SLC35F4: variants seen among roughly 807,000 people sequenced by gnomAD.
SLC35F4 encodes the protein solute carrier family 35 member F4.
A neutral mutation model predicts 44.2 loss-of-function variants in SLC35F4; 24 were observed. That is an observed-to-expected ratio of 0.54 (90% CI 0.39 to 0.76). SLC35F4 has a LOEUF of 0.76. Among genes scored for constraint, SLC35F4 ranks in the 30% least tolerant of loss-of-function variants. SLC35F4 has a pLI of 0.00. For missense variants in SLC35F4, 562 were observed against 586.1 expected (o/e 0.96, Z 0.42); for synonymous variants, 238 against 223.6 (o/e 1.06, Z -0.57).
chr14:57,630,875 TG>T (rs1207960768), intron 1 of SLC35F4: 2 of 879,746 alleles, frequency 2.3e-6, no homozygotes, highest in African/African-American at 3.6e-5. Context: ...GAGTCCAGTT[TG>T]TTTAATGTTA....
intron 1 of SLC35F4, among the ~76,000 whole-genome samples, chr14:57,737,496 C>T (rs985125799): frequency 3.3e-5 from 5 of 151,944 alleles, no homozygotes; most frequent in East Asian, 1.9e-4. Context: ...TCCAGAACAG[C>T]GAACACATAA....
chr14:57,778,451 C>A (rs2077543126), intron 1 of SLC35F4, among the ~76,000 whole-genome samples: 1 of 151,560 alleles, frequency 6.6e-6, no homozygotes, highest in Non-Finnish European at 1.5e-5. Context: ...TATATATGCG[C>A]CCAACACAGG....
At chr14:57,630,441 C>A in intron 1 of SLC35F4, 1 of 735,468 alleles carries the variant, frequency 1.4e-6, no homozygotes, top group Non-Finnish European at 2.4e-6. Context: ...AATTCAAGAT[C>A]ACGGTCCAAG....
At chr14:57,656,049 G>C (rs1427173062) in intron 1 of SLC35F4, among the ~76,000 whole-genome samples, 1 of 151,842 alleles carries the variant, frequency 6.6e-6, no homozygotes, top group Non-Finnish European at 1.5e-5. Flanking sequence ...GGCAAGTTTT[G>C]GGAACTTGCC....
chr14:57,597,179 T>C (rs376615728), intron 1 of SLC35F4, among the ~76,000 whole-genome samples: 81 of 152,332 alleles, frequency 5.3e-4, no homozygotes, highest in Middle Eastern at 3.4e-3. Flanking sequence ...GAACCAGAGA[T>C]TGCAAATCCA....
intron 1 of SLC35F4, chr14:57,837,503 T>C (rs1276376769): frequency 1.1e-4 from 17 of 152,184 alleles, no homozygotes; most frequent in Admixed American, 1.1e-3. Flanking sequence ...CCTCCTCCAA[T>C]TGGAAAGACC....
At chr14:57,761,101 G>T (rs1049179319) in intron 1 of SLC35F4, among the ~76,000 whole-genome samples, 2 of 152,112 alleles carry the variant, frequency 1.3e-5, no homozygotes, top group East Asian at 3.9e-4. Flanking sequence ...GGAATAAGCT[G>T]GGGTGACTGT....
chr14:57,952,305 G>C (rs1184625197), intron 1 of SLC35F4, among the ~76,000 whole-genome samples: 1 of 152,110 alleles, frequency 6.6e-6, no homozygotes, highest in Non-Finnish European at 1.5e-5. Flanking sequence ...AAAGACCAAA[G>C]GTAGATAAAT....
chr14:57,705,931 AG>A (rs2075663396), intron 1 of SLC35F4, among the ~76,000 whole-genome samples: 1 of 152,208 alleles, frequency 6.6e-6, no homozygotes, highest in African/African-American at 2.4e-5. Context: ...TCAAACAGAA[AG>A]AACAATGTGT....
At chr14:57,625,574 A>T (rs973953640) in intron 1 of SLC35F4, among the ~76,000 whole-genome samples, 2 of 152,180 alleles carry the variant, frequency 1.3e-5, no homozygotes, top group African/African-American at 4.8e-5. Context: ...ACAGAAACCA[A>T]ACAGCATGGT....
intron 4 of SLC35F4, among the ~76,000 whole-genome samples, chr14:57,572,549 A>G (rs1176757514): frequency 6.6e-6 from 1 of 152,100 alleles, no homozygotes; most frequent in African/African-American, 2.4e-5. Flanking sequence ...AAGAAAGAAA[A>G]TAAATTCTCA....
Position 57,564,069 on chromosome 14 carries a change from G to A in SLC35F4, c.*66C>T. ...GTTAATACTGTCGTTTGAGTGTACA[G>A]GTAGTGAGAAAATTTTGTTATATTC... On this transcript the variant is annotated 3_prime_UTR_variant, in exon 8 of 8. Coordinates refer to ENST00000556826, the MANE Select transcript of SLC35F4 (RefSeq NM_001306087.2). 6.4e-7 allele frequency: 1 copy of A among 1,573,598 alleles called. No individual in the cohort carries two copies. The highest frequency in any genetic ancestry group is 1.3e-5 in the African/African-American group (1 of 74,440).
intron 4 of SLC35F4, 133 bp downstream of exon 4, chr14:57,581,081 G>C: frequency 1.2e-6 from 1 of 855,226 alleles, no homozygotes; most frequent in Non-Finnish European, 1.6e-6. Context: ...TGCGTCTTCA[G>C]ATTTCGGTTT....
At position 57,653,478 on chromosome 14, in the gene SLC35F4, G is replaced by C. The variant is rs1406081360; in HGVS notation, c.104-59354C>G. 2.0e-5 allele frequency among the ~76,000 whole-genome samples: 3 copies of C among 152,210 alleles called. No individual in the cohort carries two copies. The East Asian group carries it at 5.8e-4, about 29-fold the overall frequency. ...TTAATGTGGAGACAATCACTGGTTG[G>C]TGGGTCGGGGGAGCCCAGGGGCCAC... On this transcript the variant is annotated intron_variant, in intron 1 of 7. Coordinates refer to ENST00000556826, the MANE Select transcript of SLC35F4 (RefSeq NM_001306087.2).
chr14:57,621,968 C>A (rs1193528636), intron 1 of SLC35F4, among the ~76,000 whole-genome samples: 2 of 150,792 alleles, frequency 1.3e-5, no homozygotes, highest in East Asian at 3.9e-4. Flanking sequence ...AACAAATTTA[C>A]AAGAAAAAAA....
intron 1 of SLC35F4, among the ~76,000 whole-genome samples, chr14:57,688,479 A>T (rs1184297970): frequency 5.3e-5 from 8 of 152,200 alleles, no homozygotes; most frequent in African/African-American, 1.7e-4. Context: ...TGATGAGATT[A>T]TGGGTTCTTT....
At chr14:57,646,257 CT>C (rs1168730616) in intron 1 of SLC35F4, among the ~76,000 whole-genome samples, 1 of 151,998 alleles carries the variant, frequency 6.6e-6, no homozygotes, top group African/African-American at 2.4e-5. Context: ...TGGTCCTGGA[CT>C]TTTTTTGGTT....
chr14:57,883,949 A>G (rs1028986427), intron 1 of SLC35F4, among the ~76,000 whole-genome samples: 4 of 152,300 alleles, frequency 2.6e-5, no homozygotes, highest in African/African-American at 9.6e-5. Flanking sequence ...CCAATTTTAA[A>G]CTTTAAAATG....
intron 1 of SLC35F4, among the ~76,000 whole-genome samples, chr14:57,921,268 C>A (rs995542601): frequency 1.3e-5 from 2 of 152,116 alleles, no homozygotes; most frequent in Non-Finnish European, 2.9e-5. Context: ...GTGTACCATG[C>A]AGAGGGATAA....
Sources: allele counts gnomAD v4.1 joint callset (sites outside exome capture counted in the v4.1 genomes callset), GRCh38; gene constraint gnomAD v4.1.1; transcripts MANE v1.5; gene names NCBI Gene and HGNC (gene_info 2026-07-23, HGNC 2026-07-21).